The following ANXA4 variants were observed in gnomAD, a reference collection of about 807,000 sequenced individuals.
The protein encoded by ANXA4 is annexin A4, also known as 35-beta calcimedin.
Under a neutral mutation model 49.8 loss-of-function variants are expected in ANXA4, and 39 were observed. The ratio of observed to expected loss-of-function variants is 0.78; its 90% CI spans 0.61 to 1.02. The LOEUF (loss-of-function observed/expected upper bound fraction) is 1.02. Ranked by LOEUF, ANXA4 falls within the 50% of genes least tolerant of loss-of-function variation. ANXA4 has a pLI of 0.00. For synonymous variants in ANXA4, 134 were observed against 152.5 expected (o/e 0.88, Z 0.89); for missense variants, 360 against 410.1 (o/e 0.88, Z 1.05).
intron 2 of ANXA4, among the ~76,000 whole-genome samples, chr2:69,688,939 T>C (rs906280378): frequency 1.3e-5 from 2 of 152,236 alleles, no homozygotes; most frequent in Non-Finnish European, 2.9e-5. Context: ...GACCAAACTC[T>C]GGGCTCCAGT....
chr2:69,653,099 A>G (rs1309140561), exon 2 of ANXA4: 1 of 152,230 alleles, frequency 6.6e-6, no homozygotes, highest in Non-Finnish European at 1.5e-5. Context: ...CGTCATCCAC[A>G]CAGGAGCCAA....
At chr2:69,668,030 TC>T (rs1469753599) in intron 2 of ANXA4, among the ~76,000 whole-genome samples, 18 of 152,172 alleles carry the variant, frequency 1.2e-4, no homozygotes, top group Non-Finnish European at 2.4e-4. Flanking sequence ...CTGATAACAT[TC>T]CATTGGCCTA....
chr2:69,648,621 C>T (rs1287997645), intron 1 of ANXA4, among the ~76,000 whole-genome samples: 1 of 152,046 alleles, frequency 6.6e-6, no homozygotes, highest in Non-Finnish European at 1.5e-5. Flanking sequence ...GTCAGGACTT[C>T]AAGACCAGCC....
chr2:69,795,755 A>G (rs1672916486), intron 3 of ANXA4, among the ~76,000 whole-genome samples: 1 of 152,224 alleles, frequency 6.6e-6, no homozygotes, highest in Non-Finnish European at 1.5e-5. Context: ...TCCTGGGGCC[A>G]TGAGGATGCT....
At chr2:69,813,874 CA>C (rs1168304495) in intron 8 of ANXA4, among the ~76,000 whole-genome samples, 3 of 151,446 alleles carry the variant, frequency 2.0e-5, no homozygotes, top group African/African-American at 7.3e-5. Flanking sequence ...TCTCCCACCT[CA>C]GCCTCCTGAG....
chr2:69,742,737 G>C (rs1229350491), intron 1 of ANXA4, among the ~76,000 whole-genome samples: 1 of 152,168 alleles, frequency 6.6e-6, no homozygotes, highest in Non-Finnish European at 1.5e-5. Context: ...ATTTTGTCAT[G>C]ACTTTGACCA....
intron 2 of ANXA4, among the ~76,000 whole-genome samples, chr2:69,717,447 A>T (rs1053016194): frequency 2.0e-5 from 3 of 152,074 alleles, no homozygotes; most frequent in Admixed American, 6.5e-5. Flanking sequence ...GTGGCATTTG[A>T]TCATTATTCC....
At chr2:69,667,029 G>A (rs757077805) in intron 2 of ANXA4, among the ~76,000 whole-genome samples, 3 of 152,024 alleles carry the variant, frequency 2.0e-5, no homozygotes, top group Non-Finnish European at 4.4e-5. Flanking sequence ...CTGGCCGATA[G>A]AGTGAGACTC....
chr2:69,771,062 C>A (rs894858618), intron 1 of ANXA4, among the ~76,000 whole-genome samples: 1 of 144,822 alleles, frequency 6.9e-6, no homozygotes, highest in African/African-American at 2.6e-5. Context: ...CCACTGCACT[C>A]CAGCCTGGGC....
chr2:69,771,554 C>T (rs1015003170), intron 1 of ANXA4, among the ~76,000 whole-genome samples: 2 of 152,210 alleles, frequency 1.3e-5, no homozygotes, highest in Non-Finnish European at 2.9e-5. Flanking sequence ...TTTCCAAATG[C>T]TGGGTGAGAG....
chr2:69,673,656 A>T (rs536617228), intron 2 of ANXA4, among the ~76,000 whole-genome samples: 3 of 150,470 alleles, frequency 2.0e-5, no homozygotes, highest in Non-Finnish European at 3.0e-5. Context: ...AAAGTATATT[A>T]AAAAAAAAGA....
At chr2:69,709,753 A>G (rs982077324) in intron 2 of ANXA4, among the ~76,000 whole-genome samples, 2 of 152,212 alleles carry the variant, frequency 1.3e-5, no homozygotes, top group Non-Finnish European at 2.9e-5. Flanking sequence ...GCAATTAACC[A>G]ACTCACTTTG....
At chr2:69,746,629 G>T (rs1670623583) in intron 1 of ANXA4, among the ~76,000 whole-genome samples, 1 of 152,116 alleles carries the variant, frequency 6.6e-6, no homozygotes, top group South Asian at 2.1e-4. Context: ...CACCTTTGAA[G>T]AATTCTTTTT....
intron 1 of ANXA4, among the ~76,000 whole-genome samples, chr2:69,777,245 T>G (rs1433693675): frequency 6.6e-6 from 1 of 152,142 alleles, no homozygotes; most frequent in Non-Finnish European, 1.5e-5. Context: ...ATGGAGTCTT[T>G]GTTACATAGG....
intron 2 of ANXA4, among the ~76,000 whole-genome samples, chr2:69,655,315 T>G (rs927258846): frequency 6.6e-6 from 1 of 151,854 alleles, no homozygotes; most frequent in Non-Finnish European, 1.5e-5. Context: ...TGCAAGGAAC[T>G]CAAACAAATT....
intron 2 of ANXA4, among the ~76,000 whole-genome samples, chr2:69,696,443 G>C (rs1252800456): frequency 6.6e-6 from 1 of 152,138 alleles, no homozygotes; most frequent in Non-Finnish European, 1.5e-5. Flanking sequence ...TTGCTCCATT[G>C]AAGTCTCAGA....
intron 6 of ANXA4, chr2:69,809,556 A>C (rs1288718527): frequency 6.6e-6 from 1 of 152,040 alleles, no homozygotes; most frequent in Non-Finnish European, 1.5e-5. Flanking sequence ...GGCTCACTGC[A>C]GCCTTGACCT....
At chr2:69,695,365 A>C (rs1678128326) in intron 2 of ANXA4, among the ~76,000 whole-genome samples, 1 of 152,134 alleles carries the variant, frequency 6.6e-6, no homozygotes, top group Non-Finnish European at 1.5e-5. Flanking sequence ...CTGAGGCAGC[A>C]CTCAGCACCC....
At chr2:69,717,686 A>G (rs1267786361) in intron 2 of ANXA4, among the ~76,000 whole-genome samples, 1 of 152,140 alleles carries the variant, frequency 6.6e-6, no homozygotes, top group Admixed American at 6.5e-5. Context: ...TCTTTGGAAT[A>G]TGTTGTTCCC....
Sources: allele counts gnomAD v4.1 joint callset (sites outside exome capture counted in the v4.1 genomes callset), GRCh38; gene constraint gnomAD v4.1.1; transcripts MANE v1.5; gene names NCBI Gene and HGNC (gene_info 2026-07-23, HGNC 2026-07-21).